Variants in CCDC171 observed in about 807,000 individuals in gnomAD.
CCDC171 encodes the protein coiled-coil domain-containing protein 171.
CCDC171 carries 177 observed loss-of-function variants against 168.2 expected under a neutral mutation model. That is an observed-to-expected ratio of 1.05 (90% CI 0.93 to 1.19). CCDC171 has a LOEUF of 1.19. CCDC171 is among the 50% of genes most tolerant of loss of function. CCDC171 has a pLI of 0.00. For missense variants in CCDC171, 1,991 were observed against 1,539.0 expected (o/e 1.29, Z -4.91); for synonymous variants, 687 against 540.8 (o/e 1.27, Z -3.75).
chr9:15,595,839 C>T (rs1356922682), intron 6 of CCDC171, among the ~76,000 whole-genome samples: 2 of 152,176 alleles, frequency 1.3e-5, no homozygotes, highest in Admixed American at 6.6e-5. Context: ...GATTGCCATT[C>T]TAACTGGTGT....
chr9:15,596,882 T>A (rs2042412650), intron 6 of CCDC171, among the ~76,000 whole-genome samples: 1 of 152,208 alleles, frequency 6.6e-6, no homozygotes, highest in Admixed American at 6.6e-5. Flanking sequence ...GTTGGATTCC[T>A]AGGTATTTTA....
chr9:15,646,072 A>G (rs567528369), intron 7 of CCDC171, among the ~76,000 whole-genome samples: 1 of 152,324 alleles, frequency 6.6e-6, no homozygotes, highest in East Asian at 1.9e-4. Context: ...TACAAGCCAG[A>G]AGAGAGTGGG....
chr9:15,721,845 C>T lies in CCDC171; in HGVS notation c.1395C>T (p.Tyr465=). ...GATTGAGGCGTACCTTGACAGATTA[C>T]CAGAACAAGCTGGAAGATGCATCTA... ...LERLRRTLTD[Y]QNKLEDASNE... The change falls in exon 12 of 26, where the codon TAC becomes TAT. Residue 465 remains tyrosine (Y), a synonymous_variant. Transcript: ENST00000380701. The T allele has an allele frequency of 6.4e-7, 1 of 1,556,250 alleles. No homozygotes were observed. Among genetic ancestry groups the T allele is most frequent in the South Asian group, 1.2e-5 (1 of 82,554 alleles).
the CCDC171 span, among the ~76,000 whole-genome samples, chr9:16,085,353 C>G: frequency 6.6e-6 from 1 of 152,226 alleles, no homozygotes; most frequent in Non-Finnish European, 1.5e-5. Context: ...AGGGGGAACT[C>G]AAGCTGCTGA....
chr9:16,085,265 G>A, the CCDC171 span, among the ~76,000 whole-genome samples: 1 of 152,210 alleles, frequency 6.6e-6, no homozygotes, highest in Non-Finnish European at 1.5e-5. Flanking sequence ...GAAGCTACAT[G>A]AAGTATTATA....
rs752674895 is a variant in CCDC171, at chr9:15,695,304, G to T, written c.1285G>T (p.Asp429Tyr). The T allele has an allele frequency of 1.9e-6, 3 of 1,614,086 alleles. No homozygotes were observed. Among genetic ancestry groups the T allele is most frequent in the Non-Finnish European group, 2.5e-6 (3 of 1,179,938 alleles). Residue 429 changes from aspartate (D) to tyrosine (Y), a missense_variant, in exon 11 of 26, where the codon GAC becomes TAC. Asp to Tyr is a radical substitution (Grantham distance 160, BLOSUM62 -3). Coordinates refer to ENST00000380701, the MANE Select transcript of CCDC171 (RefSeq NM_173550.4). ...CGTGAAAGAATTGGAATCGATCTTG[G>T]ACAGCTTTACTGTGTCGGGCCAGTG... is the stretch of plus-strand genomic sequence containing the variant. ...NNVKELESILDSFTVSGQWTS... is the reference protein window; with the variant it reads ...NNVKELESILYSFTVSGQWTS...
chr9:15,695,394 T>G, intron 11 of CCDC171, 57 bp downstream of exon 11: 2 of 1,346,356 alleles, frequency 1.5e-6, no homozygotes, highest in South Asian at 1.2e-5. Flanking sequence ...AGTCACTACA[T>G]TTTGGGAATT....
chr9:16,085,940 C>G, the CCDC171 span, among the ~76,000 whole-genome samples: 1 of 152,086 alleles, frequency 6.6e-6, no homozygotes, highest in African/African-American at 2.4e-5. Context: ...ATTGTTACGT[C>G]TCTGCCAGGT....
At chr9:15,805,131 A>C (rs1261107201) in intron 21 of CCDC171, among the ~76,000 whole-genome samples, 5 of 151,092 alleles carry the variant, frequency 3.3e-5, no homozygotes, top group Non-Finnish European at 7.4e-5. Context: ...GTTTATTTGA[A>C]TCTTCTCTCT....
At chr9:15,760,588 C>A (rs1588345130) in intron 18 of CCDC171, among the ~76,000 whole-genome samples, 1 of 152,064 alleles carries the variant, frequency 6.6e-6, no homozygotes. Flanking sequence ...AGAAATGTAA[C>A]CTGCCTAGTG....
intron 25 of CCDC171, among the ~76,000 whole-genome samples, chr9:15,936,358 A>T (rs535140731): frequency 6.6e-6 from 1 of 152,026 alleles, no homozygotes; most frequent in African/African-American, 2.4e-5. Flanking sequence ...TTCTCTGGAC[A>T]GTTTTAAGAG....
At chr9:15,996,997 T>A (rs1383518595) in intron 3 of CCDC171, among the ~76,000 whole-genome samples, 1 of 152,168 alleles carries the variant, frequency 6.6e-6, no homozygotes, top group Non-Finnish European at 1.5e-5. Context: ...CTTTTATGAT[T>A]TGTGTCAGTT....
chr9:16,018,636 T>C (rs1833090211), intron 3 of CCDC171, among the ~76,000 whole-genome samples: 1 of 152,222 alleles, frequency 6.6e-6, no homozygotes, highest in Admixed American at 6.5e-5. Flanking sequence ...GTTGTATAAT[T>C]CCAGGGTTCA....
chr9:15,786,033 A>C (rs182969654), intron 21 of CCDC171, among the ~76,000 whole-genome samples: 24 of 152,262 alleles, frequency 1.6e-4, no homozygotes, highest in African/African-American at 5.8e-4. Flanking sequence ...AAAGAGGAAA[A>C]TATAGATGTC....
intron 4 of CCDC171, among the ~76,000 whole-genome samples, chr9:15,590,382 A>G (rs914211439): frequency 6.6e-6 from 1 of 152,196 alleles, no homozygotes; most frequent in African/African-American, 2.4e-5. Flanking sequence ...CTTCACAAAA[A>G]CTTAACTAGG....
intron 16 of CCDC171, among the ~76,000 whole-genome samples, chr9:15,732,851 T>G (rs2134381554): frequency 6.6e-6 from 1 of 152,216 alleles, no homozygotes; most frequent in African/African-American, 2.4e-5. Flanking sequence ...ATTTATATGG[T>G]TATATGGTAA....
At chr9:15,650,513 T>C (rs915768980) in intron 7 of CCDC171, among the ~76,000 whole-genome samples, 9 of 152,206 alleles carry the variant, frequency 5.9e-5, no homozygotes, top group Admixed American at 6.5e-5. Flanking sequence ...TTCGTACAGT[T>C]ATTGGTCATT....
At chr9:15,775,163 T>C (rs140439467) in intron 18 of CCDC171, among the ~76,000 whole-genome samples, 50 of 152,362 alleles carry the variant, frequency 3.3e-4, no homozygotes, top group African/African-American at 1.2e-3. Flanking sequence ...ACACTTCTTA[T>C]TATAGCATAC....
chr9:15,631,455 A>G (rs1412967496), intron 7 of CCDC171, among the ~76,000 whole-genome samples: 1 of 152,120 alleles, frequency 6.6e-6, no homozygotes, highest in Non-Finnish European at 1.5e-5. Context: ...ACATACACCC[A>G]CCCAAGACTA....
Sources: allele counts gnomAD v4.1 joint callset (sites outside exome capture counted in the v4.1 genomes callset), GRCh38; gene constraint gnomAD v4.1.1; transcripts MANE v1.5; gene names NCBI Gene and HGNC (gene_info 2026-07-23, HGNC 2026-07-21).